MEGF10: variants seen among roughly 807,000 people sequenced by gnomAD.
MEGF10 encodes the protein multiple EGF like domains 10.
Under a neutral mutation model 147.5 loss-of-function variants are expected in MEGF10, and 86 were observed. That is an observed-to-expected ratio of 0.58 (90% confidence interval 0.49 to 0.70). MEGF10 has a LOEUF of 0.70. MEGF10 is among the 30% of genes least tolerant of loss of function. The pLI, the probability that MEGF10 is intolerant of heterozygous loss-of-function variation, is 0.00. For missense variants in MEGF10, 1,329 were observed against 1,487.3 expected (o/e 0.89, Z 1.75); for synonymous variants, 478 against 525.5 (o/e 0.91, Z 1.24).
chr5:127,360,848 G>T (rs976503714), intron 4 of MEGF10, among the ~76,000 whole-genome samples: 1 of 150,754 alleles, frequency 6.6e-6, no homozygotes, highest in African/African-American at 2.5e-5. Context: ...ATATATGTGT[G>T]TATATATATG....
chr5:127,246,389 G>A, the MEGF10 span, among the ~76,000 whole-genome samples: 8 of 152,100 alleles, frequency 5.3e-5, no homozygotes, highest in Non-Finnish European at 1.2e-4. Flanking sequence ...TCACTCATAA[G>A]TGGGAGTTGA....
chr5:127,367,306 A>G (rs953972792), intron 4 of MEGF10, among the ~76,000 whole-genome samples: 1 of 152,168 alleles, frequency 6.6e-6, no homozygotes, highest in African/African-American at 2.4e-5. Flanking sequence ...TTCTCCCCTC[A>G]TAGCCAGCTT....
chr5:127,416,587 A>G (rs1202423946), intron 9 of MEGF10, among the ~76,000 whole-genome samples: 2 of 152,166 alleles, frequency 1.3e-5, no homozygotes, highest in African/African-American at 2.4e-5. Flanking sequence ...GCCTGTGAAC[A>G]CTAAGGTGCA....
the MEGF10 span, among the ~76,000 whole-genome samples, chr5:127,281,219 G>A: frequency 2.0e-5 from 3 of 152,184 alleles, no homozygotes; most frequent in African/African-American, 4.8e-5. Flanking sequence ...CCCTCTGGGT[G>A]TTATACTCAG....
intron 12 of MEGF10, among the ~76,000 whole-genome samples, chr5:127,422,403 C>A (rs1172002573): frequency 2.0e-5 from 3 of 151,702 alleles, no homozygotes; most frequent in Admixed American, 6.6e-5. Flanking sequence ...TGCCTATAGT[C>A]CCAGCTACTC....
chr5:127,349,707 T>C (rs1237989146), intron 4 of MEGF10, among the ~76,000 whole-genome samples: 2 of 151,724 alleles, frequency 1.3e-5, no homozygotes, highest in African/African-American at 2.4e-5. Flanking sequence ...TTTTTTAGGC[T>C]ACACAATATT....
chr5:127,259,567 A>C, the MEGF10 span, among the ~76,000 whole-genome samples: 1 of 152,174 alleles, frequency 6.6e-6, no homozygotes. Flanking sequence ...ACATTCCTAC[A>C]GTGTTTCTGG....
intron 4 of MEGF10, among the ~76,000 whole-genome samples, chr5:127,365,464 G>T (rs1252425216): frequency 2.0e-5 from 3 of 152,182 alleles, no homozygotes; most frequent in African/African-American, 7.2e-5. Flanking sequence ...TTGGTAATGG[G>T]ATTTAAATGG....
rs771074884 is a variant in MEGF10 at position 127,417,629 on chromosome 5, G to A, written c.1131-9G>A. 28 of 1,613,990 alleles carry A rather than the reference G, an allele frequency of 1.7e-5. No homozygotes were observed. Among genetic ancestry groups the A allele is most frequent in the Non-Finnish European group, 2.2e-5 (26 of 1,179,984 alleles). ...AAAGTGACTTATTCCTTTCATCCAT[G>A]TCTCTCAGCTGTCACCCCATGTCTG... On this transcript the variant is annotated splice_polypyrimidine_tract_variant and intron_variant, in intron 9 of 24. Transcript: ENST00000503335.
At chr5:127,436,216 A>G (rs1367810412) in intron 16 of MEGF10, among the ~76,000 whole-genome samples, 1 of 152,230 alleles carries the variant, frequency 6.6e-6, no homozygotes, top group South Asian at 2.1e-4. Flanking sequence ...GAGAAATCAA[A>G]GAATGACTGT....
chr5:127,254,811 A>C, the MEGF10 span, among the ~76,000 whole-genome samples: 4,963 of 142,980 alleles, frequency 0.035, 204 homozygotes, highest in African/African-American at 0.1. Context: ...ACTCCATCTG[A>C]AAAAAAAAAA....
the MEGF10 span, among the ~76,000 whole-genome samples, chr5:127,232,436 T>A: frequency 6.6e-6 from 1 of 152,200 alleles, no homozygotes; most frequent in Non-Finnish European, 1.5e-5. Context: ...TCCCTGAGCA[T>A]GATACATAGA....
the MEGF10 span, among the ~76,000 whole-genome samples, chr5:127,266,932 T>G: frequency 5.3e-5 from 8 of 152,110 alleles, no homozygotes; most frequent in African/African-American, 1.7e-4. Flanking sequence ...CTGCCTGATT[T>G]CCCTGGCCAG....
intron 1 of MEGF10, among the ~76,000 whole-genome samples, chr5:127,302,189 C>G (rs544228492): frequency 6.6e-6 from 1 of 152,186 alleles, no homozygotes; most frequent in East Asian, 1.9e-4. Context: ...TTACAACAGC[C>G]AAAACTATTA....
intron 5 of MEGF10, among the ~76,000 whole-genome samples, chr5:127,391,667 A>G (rs1316444168): frequency 1.3e-5 from 2 of 151,988 alleles, no homozygotes; most frequent in Non-Finnish European, 2.9e-5. Flanking sequence ...TATTATTATT[A>G]TTATGACTCA....
rs1765909921 is a variant in MEGF10, at chr5:127,445,504, A to C, written c.2539A>C (p.Thr847Pro). ...GNLNSLSRTS[T>P]ALPADSYQIG... ...TCTGAACAGCTTAAGCCGAACCAGT[A>C]CTGCTCTCCCTGCTGATTCCTACCA... The change falls in exon 20 of 25, where the codon ACT (threonine) becomes CCT (proline). Residue 847 changes from threonine (T) to proline (P), a missense_variant. Physicochemically the swap from Thr to Pro is conservative, Grantham distance 38 (BLOSUM62 -1). This residue lies in a region of MEGF10 where 343 missense variants were observed against 377.9 expected (regional missense o/e 0.91). Transcript: ENST00000503335. 1 of 1,614,130 alleles carries C rather than the reference A, an allele frequency of 6.2e-7. No homozygotes were observed.
intron 4 of MEGF10, 45 bp downstream of exon 4, chr5:127,340,675 G>T (rs754249330): frequency 2.0e-6 from 3 of 1,531,254 alleles, no homozygotes; most frequent in South Asian, 2.3e-5. Context: ...GTTTTTCCCA[G>T]TGCTGGTTTG....
At chr5:127,271,853 T>C in the MEGF10 span, among the ~76,000 whole-genome samples, 11 of 152,172 alleles carry the variant, frequency 7.2e-5, no homozygotes, top group Non-Finnish European at 1.3e-4. Context: ...CAGTCTCAGG[T>C]ATTTCTTTAT....
the MEGF10 span, among the ~76,000 whole-genome samples, chr5:127,261,528 G>A: frequency 6.6e-6 from 1 of 151,970 alleles, no homozygotes; most frequent in South Asian, 2.1e-4. Flanking sequence ...ATAAACGTTT[G>A]GGTTATTTCT....
Sources: gnomAD v4.1 joint callset for allele counts (sites outside exome capture counted in the v4.1 genomes callset) on GRCh38, gnomAD v4.1.1 for gene constraint, gnomAD v4.1.1 regional missense constraint, MANE v1.5 for transcripts, NCBI Gene and HGNC (gene_info 2026-07-23, HGNC 2026-07-21) for gene names.